Variants in TMEM120B observed in about 807,000 individuals in gnomAD.
TMEM120B encodes the protein transmembrane protein 120B.
In TMEM120B, 31 loss-of-function variants were observed where a neutral mutation model predicts 55.5. That is an observed-to-expected ratio of 0.56 (90% CI 0.42 to 0.75). The LOEUF (loss-of-function observed/expected upper bound fraction) is 0.75, where lower values mean the gene tolerates loss of function less well. Among genes scored for constraint, TMEM120B ranks in the 30% least tolerant of loss-of-function variants. TMEM120B has a pLI of 0.00. For missense variants in TMEM120B, 399 were observed against 425.5 expected (o/e 0.94, Z 0.55); for synonymous variants, 203 against 176.3 (o/e 1.15, Z -1.20).
At position 121,765,000 on chromosome 12, in the gene TMEM120B, T is replaced by C. The variant is rs985237582; in HGVS notation, c.551+3262T>C. The stretch of plus-strand genomic sequence containing the variant: ...TCGTGTGAGTCTGCTCTACCCTCCA[T>C]CTGCCATTCATCAGACATTTATTGA... On this transcript the variant is annotated intron_variant, in intron 6 of 11. Transcript: ENST00000449592. Among the ~76,000 whole-genome samples the C allele has an allele frequency of 2.0e-5, 3 of 152,154 alleles. No homozygotes were observed. In the East Asian group the frequency reaches 5.8e-4, roughly 29 times the overall value.
At position 121,775,487 on chromosome 12, in the gene TMEM120B, G is replaced by A. The variant is rs1445968970; in HGVS notation, c.907-122G>A. The A allele has an allele frequency of 8.2e-6, 12 of 1,461,056 alleles. No homozygotes were observed. The highest frequency in any genetic ancestry group is 8.0e-5 in the Admixed American group (3 of 37,424). 90.5% of individuals were successfully genotyped at this position (1,461,056 alleles called of 1,614,324 possible). On this transcript the variant is annotated intron_variant, in intron 11 of 11. Coordinates refer to ENST00000449592, the MANE Select transcript of TMEM120B (RefSeq NM_001080825.2). This position sits in a 1 kb window ranked among gnomAD's most constrained non-coding sequence, Gnocchi z 4.3. ...CCAGGTCTCCTGAATCTCTGCCTTC[G>A]ATGGCAAAACCCTGCAGTTTGGGAG...
chr12:121,723,308 C>CA (rs540320743), intron 1 of TMEM120B, among the ~76,000 whole-genome samples: 108 of 152,268 alleles, frequency 7.1e-4, no homozygotes, highest in African/African-American at 2.4e-3. Flanking sequence ...GCTGGGACTA[C>CA]AGGCATGTGC....
At chr12:121,771,284 T>C (rs1874044190) in intron 7 of TMEM120B, among the ~76,000 whole-genome samples, 1 of 152,128 alleles carries the variant, frequency 6.6e-6, no homozygotes, top group Non-Finnish European at 1.5e-5. Context: ...TTAGCGCTTC[T>C]GCACGGCCAT....
intron 4 of TMEM120B, among the ~76,000 whole-genome samples, chr12:121,750,869 C>CCACACCA (rs1873276341): frequency 7.5e-6 from 1 of 133,154 alleles, no homozygotes; most frequent in Non-Finnish European, 1.6e-5. Flanking sequence ...CACCCCACAC[C>CCACACCA]CACACCACAC....
At chr12:121,736,654 A>G (rs940715802) in intron 1 of TMEM120B, among the ~76,000 whole-genome samples, 25 of 152,248 alleles carry the variant, frequency 1.6e-4, no homozygotes, top group African/African-American at 5.8e-4. Flanking sequence ...GGTTCAAGCA[A>G]TCCTCCTGCC....
chr12:121,775,433 C>G lies in TMEM120B; in HGVS notation c.907-176C>G, dbSNP rs909436124. ...CGCCCCATCGAGCCCTTCCCAGGCC[C>G]TGCCCAAGCCTGAGGCCTCACCCTT... On this transcript the variant is annotated intron_variant, in intron 11 of 11. Transcript: ENST00000449592. This position sits in a 1 kb window ranked among gnomAD's most constrained non-coding sequence, Gnocchi z 4.3. 11 of 985,154 alleles carry G rather than the reference C, an allele frequency of 1.1e-5. No homozygotes were observed. The African/African-American group carries it at 1.4e-4, about 13-fold the overall frequency. The allele number at this position is 985,154 out of a possible 1,614,324, so 61.0% of individuals were successfully genotyped here.
intron 1 of TMEM120B, among the ~76,000 whole-genome samples, chr12:121,724,801 G>A (rs539943943): frequency 6.6e-6 from 1 of 151,338 alleles, no homozygotes; most frequent in Non-Finnish European, 1.5e-5. Context: ...TAGTAGAGAC[G>A]AGGTTTCACC....
intron 5 of TMEM120B, among the ~76,000 whole-genome samples, chr12:121,759,520 A>C (rs1873599965): frequency 6.6e-6 from 1 of 151,430 alleles, no homozygotes; most frequent in South Asian, 2.1e-4. Flanking sequence ...TCTGTTGAAA[A>C]TACAAAGATT....
In TMEM120B at chr12:121,780,699, C is replaced by A; in HGVS notation, c.*4977C>A. 1.4e-6 allele frequency: 1 copy of A among 710,790 alleles called. No individual in the cohort carries two copies. Among genetic ancestry groups the A allele is most frequent in the South Asian group, 1.9e-5 (1 of 52,564 alleles). The allele number at this position is 710,790 out of a possible 1,614,324, so 44.0% of individuals were successfully genotyped here. On this transcript the variant is annotated 3_prime_UTR_variant, in exon 12 of 12. Coordinates refer to ENST00000449592, the MANE Select transcript of TMEM120B (RefSeq NM_001080825.2). ...CCGAGTCCTAAGGATTGGGAGTAGT[C>A]GTGTAAAGTGCTCAGGTCCACAGGC...
At position 121,747,270 on chromosome 12, in the gene TMEM120B, CTGGGGT is replaced by C. The variant is rs1452105884; in HGVS notation, c.189-1055_189-1050del. Among the ~76,000 whole-genome samples, 575 of 123,390 alleles carry C rather than the reference CTGGGGT, an allele frequency of 4.7e-3. 12 individuals carry two copies. Among genetic ancestry groups the C allele is most frequent in the East Asian group, 0.021 (100 of 4,748 alleles). 80.9% of individuals were successfully genotyped at this position (123,390 alleles called of 152,430 possible). A position where few individuals can be genotyped will look rare whatever the true frequency, so the allele number is the denominator to read the frequency against. ...AGGCACTGGGGTAGAAGGTGGGAGG[CTGGGGT>C]AGAAGGCGGGAGGCTGGGGTAGAAG... is the stretch of plus-strand genomic sequence containing the variant. On this transcript the variant is annotated intron_variant, in intron 2 of 11. Transcript: ENST00000449592.
chr12:121,754,957 C>A (rs1180340031), intron 5 of TMEM120B, among the ~76,000 whole-genome samples: 1 of 152,140 alleles, frequency 6.6e-6, no homozygotes, highest in Non-Finnish European at 1.5e-5. Flanking sequence ...TTGACAGATA[C>A]AGTGAGCGTG....
chr12:121,775,148 A>G lies in TMEM120B; in HGVS notation c.906+18A>G. 1 of 631,992 alleles carries G rather than the reference A, an allele frequency of 1.6e-6. No individual in the cohort carries two copies. Among genetic ancestry groups the G allele is most frequent in the Non-Finnish European group, 2.3e-6 (1 of 433,526 alleles). 39.1% of individuals were successfully genotyped at this position (631,992 alleles called of 1,614,324 possible). A position where few individuals can be genotyped will look rare whatever the true frequency, so the allele number is the denominator to read the frequency against. On this transcript the variant is annotated intron_variant, in intron 11 of 11. Coordinates refer to ENST00000449592, the MANE Select transcript of TMEM120B (RefSeq NM_001080825.2). The surrounding 1 kb of genome is among the most constrained non-coding windows in gnomAD (Gnocchi z 4.3). ...AATGGCAGGTATGGGGGGTGGGGGC[A>G]TGCTCGGGGGAGGTTCCCGGGAGGG...
In TMEM120B at chr12:121,750,448, C is replaced by T; in HGVS notation, c.365+9C>T. ...CTCAGCAACCAGGCCAAGTAAGTGTCCCCCACCCACCACCCAGACCCACAC... is the reference window on the plus strand; with the variant it reads ...CTCAGCAACCAGGCCAAGTAAGTGTTCCCCACCCACCACCCAGACCCACAC... On this transcript the variant is annotated intron_variant, in intron 4 of 11. Coordinates refer to ENST00000449592, the MANE Select transcript of TMEM120B (RefSeq NM_001080825.2). 56 of 1,609,834 alleles carry T rather than the reference C, an allele frequency of 3.5e-5. No homozygotes were observed. Among genetic ancestry groups the T allele is most frequent in the Non-Finnish European group, 4.8e-5 (56 of 1,177,838 alleles).
At chr12:121,765,867 C>T (rs375057244) in intron 6 of TMEM120B, among the ~76,000 whole-genome samples, 4 of 152,096 alleles carry the variant, frequency 2.6e-5, no homozygotes, top group East Asian at 3.9e-4. Flanking sequence ...GGTTCTTTAC[C>T]AGGGAGTAGC....
intron 4 of TMEM120B, among the ~76,000 whole-genome samples, 155 bp from the exon 5 acceptor site, chr12:121,751,973 C>T (rs1484829884): frequency 1.3e-5 from 2 of 152,166 alleles, no homozygotes; most frequent in Admixed American, 6.5e-5. Context: ...ACCACTAACC[C>T]GTCAAGGCCA....
chr12:121,727,726 TAGAC>T (rs896731236), intron 1 of TMEM120B, among the ~76,000 whole-genome samples: 2 of 145,472 alleles, frequency 1.4e-5, no homozygotes, highest in African/African-American at 5.1e-5. Context: ...TACAAAAAAT[TAGAC>T]AGGCGTGGTG....
At chr12:121,732,679 T>C (rs1162864826) in intron 1 of TMEM120B, among the ~76,000 whole-genome samples, 1 of 152,104 alleles carries the variant, frequency 6.6e-6, no homozygotes, top group African/African-American at 2.4e-5. Context: ...TTGCCAAAAC[T>C]TACTAAATCT....
Position 121,757,206 on chromosome 12 carries a change from G to A in TMEM120B, c.462-4443G>A, listed in dbSNP as rs139927784. Reference sequence around the variant, plus strand: ...AGACAGAGTCTCACTCTGTCACCCAGGCTGGAGTACAGTGGTGTGATCTCA... The same window carrying A: ...AGACAGAGTCTCACTCTGTCACCCAAGCTGGAGTACAGTGGTGTGATCTCA... On this transcript the variant is annotated intron_variant, in intron 5 of 11. Transcript: ENST00000449592. 1.3e-3 allele frequency among the ~76,000 whole-genome samples: 196 copies of A among 151,940 alleles called. 1 individual carries two copies. Among genetic ancestry groups the A allele is most frequent in the African/African-American group, 4.5e-3 (186 of 41,380 alleles).
rs1443744470 is a variant in TMEM120B at position 121,758,513 on chromosome 12, T to C, written c.462-3136T>C. The C allele has an allele frequency of 1.0e-5, 10 of 975,670 alleles. No homozygotes were observed. In the African/African-American group the frequency reaches 1.9e-4, roughly 19 times the overall value. 60.4% of individuals were successfully genotyped at this position (975,670 alleles called of 1,614,324 possible). A position where few individuals can be genotyped will look rare whatever the true frequency, so the allele number is the denominator to read the frequency against. On this transcript the variant is annotated intron_variant, in intron 5 of 11. Coordinates refer to ENST00000449592, the MANE Select transcript of TMEM120B (RefSeq NM_001080825.2). ...AGGACGGCCCAGCCCCGCGCTGTGG[T>C]CACCATGGAGGAGGATGGCCTAGCT... is the stretch of plus-strand genomic sequence containing the variant.
Sources: allele counts gnomAD v4.1 joint callset (sites outside exome capture counted in the v4.1 genomes callset), GRCh38; gene constraint gnomAD v4.1.1; non-coding constraint Gnocchi (gnomAD v3.1); transcripts MANE v1.5; gene names NCBI Gene and HGNC (gene_info 2026-07-23, HGNC 2026-07-21).